The following RABL6 variants were observed in gnomAD, a reference collection of about 807,000 sequenced individuals.
The protein encoded by RABL6 is RAB, member RAS oncogene family like 6.
A neutral mutation model predicts 72.9 loss-of-function variants in RABL6; 28 were observed. The ratio of observed to expected loss-of-function variants is 0.38; its 90% CI spans 0.28 to 0.53. RABL6 has a LOEUF of 0.53. RABL6 is among the 20% of genes least tolerant of loss of function. RABL6 has a pLI of 0.80. For synonymous variants in RABL6, 477 were observed against 421.2 expected (o/e 1.13, Z -1.62); for missense variants, 1,029 against 1,008.4 (o/e 1.02, Z -0.28).
Position 136,831,733 on chromosome 9 carries a change from C to T in RABL6, c.471C>T (p.Tyr157=). Residue 157 remains tyrosine (Y), a synonymous_variant, in exon 6 of 15, where the codon TAC becomes TAT. Coordinates refer to ENST00000311502, the MANE Select transcript of RABL6 (RefSeq NM_024718.5). ...FDITKQWTFN[Y]ILRELPKVPT... is the part of the protein sequence containing the mutation. ...CCTGTTCTCCGAGGACCTTCAATTA[C>T]ATTCTCCGGGAGCTTCCAAAAGTGC... is the stretch of plus-strand genomic sequence containing the variant. The T allele has an allele frequency of 1.2e-6, 2 of 1,613,338 alleles. No individual in the cohort carries two copies. Among genetic ancestry groups the T allele is most frequent in the Non-Finnish European group, 1.7e-6 (2 of 1,179,826 alleles).
rs953874940 is a variant in RABL6, at chr9:136,828,681, A to G, written c.366+135A>G. On this transcript the variant is annotated intron_variant, in intron 4 of 14. Coordinates refer to ENST00000311502, the MANE Select transcript of RABL6 (RefSeq NM_024718.5). ...GCCACGGGGGCCGCTGGCCTTCCCAACTGCTCTGAAAACCCCACACTGCCA... is the reference window on the plus strand; with the variant it reads ...GCCACGGGGGCCGCTGGCCTTCCCAGCTGCTCTGAAAACCCCACACTGCCA... 2.6e-5 allele frequency: 23 copies of G among 881,646 alleles called. No individual in the cohort carries two copies. The African/African-American group carries it at 2.9e-4, about 11-fold the overall frequency. 54.6% of individuals were successfully genotyped at this position (881,646 alleles called of 1,614,324 possible). A position where few individuals can be genotyped will look rare whatever the true frequency, so the allele number is the denominator to read the frequency against.
chr9:136,833,831 G>T, intron 7 of RABL6: 1 of 1,550,544 alleles, frequency 6.4e-7, no homozygotes, highest in South Asian at 1.2e-5. Context: ...TTGGAAGGAA[G>T]GCGGCAGTCA....
chr9:136,808,189 G>C lies in RABL6; in HGVS notation c.-8G>C, dbSNP rs1227763270. On this transcript the variant is annotated 5_prime_UTR_variant, in exon 1 of 15. Coordinates refer to ENST00000311502, the MANE Select transcript of RABL6 (RefSeq NM_024718.5). ...GCCGCGCCCGGGCTGGGACGTCCGA[G>C]CGGGAAGATGTTTTCCGCCCTGAAG... 1 of 1,518,066 alleles carries C rather than the reference G, an allele frequency of 6.6e-7. No homozygotes were observed. The allele number at this position is 1,518,066 out of a possible 1,614,324, so 94.0% of individuals were successfully genotyped here. A position where few individuals can be genotyped will look rare whatever the true frequency, so the allele number is the denominator to read the frequency against.
chr9:136,810,046 T>C (rs948260441), intron 1 of RABL6: 4 of 152,378 alleles, frequency 2.6e-5, no homozygotes, highest in Admixed American at 1.3e-4. Flanking sequence ...AAATGTGTTA[T>C]AATTGAAACT....
rs200342324 is a variant in RABL6, at chr9:136,831,767, G to A, written c.505G>A (p.Val169Met). 1.1e-4 allele frequency: 181 copies of A among 1,613,362 alleles called. No individual in the cohort carries two copies. The highest frequency in any genetic ancestry group is 3.3e-4 in the East Asian group (15 of 44,886). The part of the protein sequence containing the change: ...LRELPKVPTH[V>M]PVCVLGNYRD... ...GGAGCTTCCAAAAGTGCCCACCCAC[G>A]TGCCAGTGTGCGTGCTGGGAAACTA... Residue 169 changes from valine (V) to methionine (M), a missense_variant, in exon 6 of 15, where the codon GTG becomes ATG. Around this residue, in one of 2 missense-constraint regions of RABL6, gnomAD observed 434 missense variants for 536.1 expected, o/e 0.81. Transcript: ENST00000311502.
chr9:136,837,078 C>T (rs1385185608), intron 8 of RABL6: 24 of 596,690 alleles, frequency 4.0e-5, no homozygotes, highest in East Asian at 2.0e-4. Flanking sequence ...GGTTTCACTG[C>T]GTTAGCCAGG....
rs1478226695 is a variant in RABL6 at position 136,837,457 on chromosome 9, G to A, written c.921G>A (p.Val307=). ...SQSPVVPAGA[V]STGSSSPGTP... is the part of the protein sequence containing the mutation. ...CACCAGTGGTGCCTGCAGGCGCTGT[G>A]TCCACGGGGAGCTCCAGCCCCGGCA... Residue 307 remains valine (V), a synonymous_variant, in exon 9 of 15, where the codon GTG becomes GTA. Transcript: ENST00000311502. 1.3e-6 allele frequency: 2 copies of A among 1,562,486 alleles called. No individual in the cohort carries two copies. Among genetic ancestry groups the A allele is most frequent in the Non-Finnish European group, 8.6e-7 (1 of 1,156,576 alleles).
intron 9 of RABL6, 32 bp from the exon 10 acceptor site, chr9:136,837,830 G>A (rs548392085): frequency 2.5e-5 from 39 of 1,545,014 alleles, no homozygotes; most frequent in African/African-American, 1.8e-4. Context: ...TTCTGGTGCC[G>A]AGTGAAGAGG....
At chr9:136,825,701 A>G in intron 2 of RABL6, 78 bp from the exon 3 acceptor site, 9 of 1,505,416 alleles carry the variant, frequency 6.0e-6, no homozygotes, top group Non-Finnish European at 8.3e-6. Context: ...GGCACAGACA[A>G]CCACACCAGC....
At chr9:136,838,388 TC>T (rs1428343927) in intron 10 of RABL6, among the ~76,000 whole-genome samples, 6 of 152,178 alleles carry the variant, frequency 3.9e-5, no homozygotes, top group African/African-American at 1.4e-4. Context: ...AGGGGCGGCT[TC>T]CTGCAGGTCC....
rs1200221316 is a variant in RABL6, at chr9:136,812,888, C to G, written c.130+4562C>G. 2.4e-5 allele frequency: 8 copies of G among 335,802 alleles called. No individual in the cohort carries two copies. In the East Asian group the frequency reaches 6.5e-4, roughly 27 times the overall value. 20.8% of individuals were successfully genotyped at this position (335,802 alleles called of 1,614,324 possible). On this transcript the variant is annotated intron_variant, in intron 1 of 14. Transcript: ENST00000311502. ...CTGGCTTCTGCCACCACCTCATCCT[C>G]CAAAGCTTCCTCTACCTCCATCACA...
chr9:136,818,395 A>C (rs796377264), intron 1 of RABL6, among the ~76,000 whole-genome samples: 2 of 21,622 alleles, frequency 9.2e-5, no homozygotes, highest in African/African-American at 2.1e-4. Flanking sequence ...AAAAAAAAAA[A>C]AAAAAAAAAC....
At chr9:136,834,824 A>G (rs1421140374) in intron 7 of RABL6, among the ~76,000 whole-genome samples, 1 of 151,820 alleles carries the variant, frequency 6.6e-6, no homozygotes, top group East Asian at 1.9e-4. Flanking sequence ...GCAGTGGCTC[A>G]CGCCTATAAT....
chr9:136,831,602 T>C, intron 5 of RABL6, 119 bp from the exon 6 acceptor site: 1 of 1,420,098 alleles, frequency 7.0e-7, no homozygotes, highest in Non-Finnish European at 9.7e-7. Context: ...TTCTGCTGGG[T>C]TGGATGTTGG....
At chr9:136,835,670 CAG>C in intron 7 of RABL6, 70 bp from the exon 8 acceptor site, 1 of 1,382,524 alleles carries the variant, frequency 7.2e-7, no homozygotes, top group Non-Finnish European at 9.9e-7. Context: ...CCTGTGCATT[CAG>C]GGGCTGTGGG....
At chr9:136,819,569 A>C (rs1254175589) in intron 1 of RABL6, among the ~76,000 whole-genome samples, 1 of 152,178 alleles carries the variant, frequency 6.6e-6, no homozygotes, top group Admixed American at 6.5e-5. Context: ...CGAAAGGTTG[A>C]AAGTTAGGAG....
At chr9:136,832,425 G>T (rs919942970) in intron 7 of RABL6, 55 bp downstream of exon 7, 2 of 1,365,212 alleles carry the variant, frequency 1.5e-6, no homozygotes, top group Admixed American at 3.4e-5. Flanking sequence ...CTCCTTCCAG[G>T]TGTCTCCTGT....
chr9:136,839,759 G>GCCCCCA lies in RABL6; in HGVS notation c.1830_1835dup (p.Pro611_Pro612dup), dbSNP rs1564374171. On this transcript the variant is annotated inframe_insertion, in exon 13 of 15. Coordinates refer to ENST00000311502, the MANE Select transcript of RABL6 (RefSeq NM_024718.5). ...ACGAGGATGAGGGCCCTGCCGAGCC[G>GCCCCCA]CCCCCACCCCCCAAGCTCCCTCTCC... 3 of 1,611,796 alleles carry GCCCCCA rather than the reference G, an allele frequency of 1.9e-6. No homozygotes were observed. Among genetic ancestry groups the GCCCCCA allele is most frequent in the Non-Finnish European group, 2.5e-6 (3 of 1,179,222 alleles).
chr9:136,840,028 G>A, intron 13 of RABL6, 126 bp from the exon 14 acceptor site: 1 of 1,492,712 alleles, frequency 6.7e-7, no homozygotes. Flanking sequence ...GTGTGGTCCT[G>A]TCCATCAGCA....
Sources: allele counts gnomAD v4.1 joint callset (sites outside exome capture counted in the v4.1 genomes callset), GRCh38; gene constraint gnomAD v4.1.1; regional missense constraint gnomAD v4.1.1; transcripts MANE v1.5; gene names NCBI Gene and HGNC (gene_info 2026-07-23, HGNC 2026-07-21).